ZNF23: variants seen among roughly 807,000 people sequenced by gnomAD.
ZNF23 encodes the protein zinc finger protein 23.
In ZNF23, 48 loss-of-function variants were observed where a neutral mutation model predicts 56.2. The ratio of observed to expected loss-of-function variants is 0.85; its 90% CI spans 0.68 to 1.09. The LOEUF (loss-of-function observed/expected upper bound fraction) is 1.09, where lower values mean the gene tolerates loss of function less well. Ranked by LOEUF, ZNF23 falls within the 50% of genes least tolerant of loss-of-function variation. The pLI, the probability that ZNF23 is intolerant of heterozygous loss-of-function variation, is 0.00. For missense variants in ZNF23, 805 were observed against 811.4 expected (o/e 0.99, Z 0.10); for synonymous variants, 266 against 283.3 (o/e 0.94, Z 0.61).
intron 1 of ZNF23, among the ~76,000 whole-genome samples, chr16:71,458,212 C>G (rs1567564230): frequency 6.6e-6 from 1 of 152,192 alleles, no homozygotes; most frequent in Non-Finnish European, 1.5e-5. Flanking sequence ...AGCAGCCAGT[C>G]CCGTGACCCA....
rs138500356 is a variant in ZNF23, at chr16:71,448,079, T to C, written c.*14A>G. The C allele has an allele frequency of 1.3e-6, 2 of 1,561,252 alleles. No individual in the cohort carries two copies. Among genetic ancestry groups the C allele is most frequent in the African/African-American group, 2.7e-5 (2 of 72,960 alleles). On this transcript the variant is annotated 3_prime_UTR_variant, in exon 5 of 5. Coordinates refer to ENST00000647773, the MANE Select transcript of ZNF23 (RefSeq NM_001381984.1). ...TGGCATTAACCTTAAGAGTTTTCTA[T>C]ATCTTTCTCATTATTAGGATTTTCC...
intron 1 of ZNF23, among the ~76,000 whole-genome samples, chr16:71,457,954 C>T (rs990781320): frequency 1.3e-5 from 2 of 152,134 alleles, no homozygotes; most frequent in Admixed American, 6.5e-5. Context: ...AGGGAGGCAG[C>T]GCCTGGAGAA....
chr16:71,450,137 C>A (rs1450739394), intron 4 of ZNF23: 1 of 329,642 alleles, frequency 3.0e-6, no homozygotes, highest in Non-Finnish European at 5.4e-6. Flanking sequence ...GTTGAAAAAA[C>A]AGTATATAGA....
chr16:71,456,523 A>T (rs1220817061), intron 2 of ZNF23, among the ~76,000 whole-genome samples: 1 of 152,000 alleles, frequency 6.6e-6, no homozygotes, highest in African/African-American at 2.4e-5. Flanking sequence ...TCCTGTAGAG[A>T]GGAGCAGAGA....
chr16:71,449,698 T>C lies in ZNF23; in HGVS notation c.456A>G (p.Thr152=). 1 of 1,613,950 alleles carries C rather than the reference T, an allele frequency of 6.2e-7. No individual in the cohort carries two copies. Among genetic ancestry groups the C allele is most frequent in the African/African-American group, 1.3e-5 (1 of 75,070 alleles). Residue 152 remains threonine (T), a synonymous_variant, in exon 5 of 5, where the codon ACA becomes ACG. Coordinates refer to ENST00000647773, the MANE Select transcript of ZNF23 (RefSeq NM_001381984.1). The part of the protein sequence containing the change: ...KKEKSNTIDG[T]VKDETSPVEE... ...CCACGGGGCTTGTCTCATCTTTCACTGTTCCATCAATGGTGTTGCTCTTCT... is the reference window on the plus strand; with the variant it reads ...CCACGGGGCTTGTCTCATCTTTCACCGTTCCATCAATGGTGTTGCTCTTCT...
intron 2 of ZNF23, 135 bp from the exon 3 acceptor site, chr16:71,454,303 T>C (rs763387814): frequency 1.9e-4 from 224 of 1,210,272 alleles, no homozygotes; most frequent in Middle Eastern, 1.2e-3. Context: ...AAGGGGAAGA[T>C]CTCAGAAAAA....
Position 71,448,738 on chromosome 16 carries a change from G to A in ZNF23, c.1416C>T (p.Phe472=). ...GCTGCCGAAATTGGGAGTTACATCTGAAGGCTTTCCCGCATTCATTACACT... is the reference window on the plus strand; with the variant it reads ...GCTGCCGAAATTGGGAGTTACATCTAAAGGCTTTCCCGCATTCATTACACT... ...PYECNECGKA[F]RCNSQFRQHL... Residue 472 remains phenylalanine (F), a synonymous_variant, in exon 5 of 5, where the codon TTC becomes TTT. Transcript: ENST00000647773. 6.2e-7 allele frequency: 1 copy of A among 1,614,196 alleles called. No individual in the cohort carries two copies. Among genetic ancestry groups the A allele is most frequent in the Non-Finnish European group, 8.5e-7 (1 of 1,180,024 alleles).
intron 2 of ZNF23, among the ~76,000 whole-genome samples, chr16:71,456,525 G>A (rs1221759290): frequency 1.3e-5 from 2 of 151,996 alleles, no homozygotes; most frequent in Non-Finnish European, 2.9e-5. Flanking sequence ...CTGTAGAGAG[G>A]AGCAGAGACC....
chr16:71,448,538 C>T lies in ZNF23; in HGVS notation c.1616G>A (p.Arg539Gln), dbSNP rs751214913. 24 of 1,613,938 alleles carry T rather than the reference C, an allele frequency of 1.5e-5. No individual in the cohort carries two copies. The African/African-American group carries it at 1.7e-4, about 12-fold the overall frequency. The change falls in exon 5 of 5, where the codon CGA becomes CAA. Residue 539 changes from arginine to glutamine, a missense_variant. Coordinates refer to ENST00000647773, the MANE Select transcript of ZNF23 (RefSeq NM_001381984.1). ...ATAGGGCTTTTCTCCAGTATGGATTCGGTGATGATCAAGTAGGTTTCTTTT... is the reference window on the plus strand; with the variant it reads ...ATAGGGCTTTTCTCCAGTATGGATTTGGTGATGATCAAGTAGGTTTCTTTT... ...TSKRNLLDHH[R>Q]IHTGEKPYQC...
chr16:71,455,950 C>A, intron 2 of ZNF23: 2 of 454,018 alleles, frequency 4.4e-6, no homozygotes, highest in South Asian at 3.1e-5. Flanking sequence ...AAGAGTACAA[C>A]ACAGCACTTA....
Position 71,449,640 on chromosome 16 carries a change from A to G in ZNF23, c.514T>C (p.Tyr172His), listed in dbSNP as rs777316586. Reference sequence around the variant, plus strand: ...TCTCCAGTGATGGTATGACACTGATATGAGTTTGAACTTTGACTAAAAAAA... The same window carrying G: ...TCTCCAGTGATGGTATGACACTGATGTGAGTTTGAACTTTGACTAAAAAAA... ...ECFFSQSSNS[Y>H]QCHTITGEQP... Residue 172 changes from tyrosine (Y) to histidine (H), a missense_variant, in exon 5 of 5, where the codon TAT (tyrosine) becomes CAT (histidine). By Grantham distance (83) the Tyr-to-His change is moderately conservative. Transcript: ENST00000647773. 1.9e-6 allele frequency: 3 copies of G among 1,613,910 alleles called. No individual in the cohort carries two copies. Among genetic ancestry groups the G allele is most frequent in the Non-Finnish European group, 1.7e-6 (2 of 1,180,014 alleles).
chr16:71,458,003 G>A (rs1436867915), intron 1 of ZNF23, among the ~76,000 whole-genome samples: 2 of 152,124 alleles, frequency 1.3e-5, no homozygotes, highest in African/African-American at 2.4e-5. Context: ...CTTCCTCAGA[G>A]CTCTGAATGT....
At chr16:71,456,998 C>T (rs559881153) in intron 1 of ZNF23, among the ~76,000 whole-genome samples, 170 bp from the exon 2 acceptor site, 15 of 152,288 alleles carry the variant, frequency 9.8e-5, no homozygotes, top group Admixed American at 5.9e-4. Context: ...CCTAGGACTC[C>T]AGGCTATGAC....
rs1450102306 is a variant in ZNF23 at position 71,449,124 on chromosome 16, C to A, written c.1030G>T (p.Val344Phe). ...CSSAYITHQR[V>F]HTGEKPYECN... ...TCGTAAGGTTTCTCTCCAGTGTGGA[C>A]TCTCTGATGTGTAATATATGCAGAA... is the stretch of plus-strand genomic sequence containing the variant. Residue 344 changes from valine to phenylalanine, a missense_variant, in exon 5 of 5, where the codon GTC (valine) becomes TTC (phenylalanine). By Grantham distance (50) the Val-to-Phe change is conservative (BLOSUM62 -1). Transcript: ENST00000647773. 3 of 1,613,946 alleles carry A rather than the reference C, an allele frequency of 1.9e-6. No homozygotes were observed. The highest frequency in any genetic ancestry group is 2.5e-6 in the Non-Finnish European group (3 of 1,179,986).
In ZNF23 at chr16:71,453,723, A is replaced by C. The variant is rs545954570; in HGVS notation, c.160+319T>G. The C allele has an allele frequency of 1.6e-5, 8 of 516,082 alleles. No homozygotes were observed. In the East Asian group the frequency reaches 2.6e-4, roughly 17 times the overall value. 32.0% of individuals were successfully genotyped at this position (516,082 alleles called of 1,614,324 possible). On this transcript the variant is annotated intron_variant, in intron 3 of 4. Coordinates refer to ENST00000647773, the MANE Select transcript of ZNF23 (RefSeq NM_001381984.1). ...CCAGAGTACACTGAGATCCTTGAAA[A>C]GACTCAAGACAGGTAAGATGAGGGG...
At chr16:71,456,533 A>T (rs562091404) in intron 2 of ZNF23, among the ~76,000 whole-genome samples, 1 of 151,942 alleles carries the variant, frequency 6.6e-6, no homozygotes, top group Admixed American at 6.6e-5. Flanking sequence ...AGGAGCAGAG[A>T]CCCTCAGTGT....
chr16:71,458,999 T>C (rs1382545167), intron 1 of ZNF23, among the ~76,000 whole-genome samples: 7 of 152,258 alleles, frequency 4.6e-5, no homozygotes, highest in Non-Finnish European at 1.0e-4. Flanking sequence ...AATTCACTAA[T>C]TCTGCTCTTA....
At position 71,448,348 on chromosome 16, in the gene ZNF23, G is replaced by T. The variant is rs1227242306; in HGVS notation, c.1806C>A (p.Pro602=). 8 of 1,613,952 alleles carry T rather than the reference G, an allele frequency of 5.0e-6. No individual in the cohort carries two copies. Among genetic ancestry groups the T allele is most frequent in the Non-Finnish European group, 5.9e-6 (7 of 1,179,992 alleles). ...VHQRIHTGEK[P]FQCKECGKAF... ...CTTTTCCACACTCCTTACACTGAAA[G>T]GGTTTCTCTCCTGTATGGATTCTCT... Residue 602 remains proline (P), a synonymous_variant, in exon 5 of 5, where the codon CCC becomes CCA. Coordinates refer to ENST00000647773, the MANE Select transcript of ZNF23 (RefSeq NM_001381984.1).
chr16:71,450,024 T>C (rs2042999508), intron 4 of ZNF23, 139 bp from the exon 5 acceptor site: 2 of 597,506 alleles, frequency 3.3e-6, no homozygotes, highest in Non-Finnish European at 5.5e-6. Flanking sequence ...GGTTTCTCCA[T>C]AAGGTGGGAT....
Sources: gnomAD v4.1 joint callset for allele counts (sites outside exome capture counted in the v4.1 genomes callset) on GRCh38, gnomAD v4.1.1 for gene constraint, MANE v1.5 for transcripts, NCBI Gene and HGNC (gene_info 2026-07-23, HGNC 2026-07-21) for gene names.